The following CFAP46 variants were observed in gnomAD, a reference collection of about 807,000 sequenced individuals.
CFAP46 encodes the protein cilia and flagella associated protein 46, also known as cilia- and flagella-associated protein 46.
CFAP46 carries 245 observed loss-of-function variants against 325.7 expected under a neutral mutation model. That is an observed-to-expected ratio of 0.75 (90% CI 0.68 to 0.84). CFAP46 has a LOEUF of 0.84. CFAP46 is among the 40% of genes least tolerant of loss of function. The pLI is 0.00. For synonymous variants in CFAP46, 1,523 were observed against 1,495.9 expected (o/e 1.02, Z -0.42); for missense variants, 3,346 against 3,543.0 (o/e 0.94, Z 1.41).
At chr10:132,811,072 C>T in intron 55 of CFAP46, 41 bp from the exon 56 acceptor site, 1 of 1,525,314 alleles carries the variant, frequency 6.6e-7, no homozygotes, top group Non-Finnish European at 8.9e-7. Flanking sequence ...CTTGGCCTGA[C>T]ATGGGGAGTG....
chr10:132,934,771 G>A lies in CFAP46; in HGVS notation c.847C>T (p.Pro283Ser). Reference sequence around the variant, plus strand: ...ACTTACTTTTCTTCACTGATAGAGGGAAAGCGCTGGTGGTTGTAATGACCT... The same window carrying A: ...ACTTACTTTTCTTCACTGATAGAGGAAAAGCGCTGGTGGTTGTAATGACCT... ...HLGHYNHQRF[P>S]SISEEKMLLL... is the part of the protein sequence containing the mutation. The change falls in exon 8 of 58, where the codon CCC (proline) becomes TCC (serine). Residue 283 changes from proline to serine, a missense_variant. Pro to Ser is a moderately conservative substitution (Grantham distance 74). Transcript: ENST00000368586. 6.2e-7 allele frequency: 1 copy of A among 1,606,292 alleles called. No individual in the cohort carries two copies. The highest frequency in any genetic ancestry group is 1.1e-5 in the South Asian group (1 of 90,858).
chr10:132,812,949 C>T (rs3750586), intron 54 of CFAP46, 52 bp from the exon 55 acceptor site: 657,255 of 1,424,516 alleles, frequency 0.46, 154,141 homozygotes, highest in East Asian at 0.62. Context: ...CTGTACCAGA[C>T]CCCACCGTGC....
intron 27 of CFAP46, among the ~76,000 whole-genome samples, chr10:132,883,754 G>A (rs551365302): frequency 6.6e-6 from 1 of 152,198 alleles, no homozygotes; most frequent in African/African-American, 2.4e-5. Context: ...AACGGAATAC[G>A]ACTCAGTCCT....
intron 44 of CFAP46, among the ~76,000 whole-genome samples, chr10:132,837,801 A>G (rs913453143): frequency 6.6e-6 from 1 of 151,004 alleles, no homozygotes; most frequent in Admixed American, 6.6e-5. Flanking sequence ...GCATGGACAC[A>G]CATGCACACG....
chr10:132,909,938 C>T lies in CFAP46; in HGVS notation c.2630G>A (p.Arg877Gln), dbSNP rs529613099. The T allele has an allele frequency of 1.9e-5, 28 of 1,511,408 alleles. No individual in the cohort carries two copies. In the Middle Eastern group the frequency reaches 2.0e-3, roughly 107 times the overall value. 93.6% of individuals were successfully genotyped at this position (1,511,408 alleles called of 1,614,324 possible). A position where few individuals can be genotyped will look rare whatever the true frequency, so the allele number is the denominator to read the frequency against. The change falls in exon 20 of 58, where the codon CGG becomes CAG. Residue 877 changes from arginine to glutamine, a missense_variant. Arg to Gln is a conservative substitution (Grantham distance 43, BLOSUM62 1). Coordinates refer to ENST00000368586, the MANE Select transcript of CFAP46 (RefSeq NM_001200049.3). ...GCCCACCTGCTCCTCGGTGCCCAGC[C>T]GTGGCCCAATCTGCTGCTGCAGCAG... Reference protein sequence around the residue: ...KQLLQQQIGPRLGTEEQGTNE... With the variant: ...KQLLQQQIGPQLGTEEQGTNE...
At chr10:132,911,196 C>T (rs1422338631) in intron 19 of CFAP46, among the ~76,000 whole-genome samples, 1 of 152,196 alleles carries the variant, frequency 6.6e-6, no homozygotes, top group Admixed American at 6.5e-5. Context: ...TGTCCCTTCT[C>T]GGAAGAACGA....
chr10:132,941,102 C>A, intron 3 of CFAP46, 42 bp from the exon 4 acceptor site: 2 of 1,601,700 alleles, frequency 1.2e-6, no homozygotes, highest in Non-Finnish European at 1.7e-6. Flanking sequence ...GAAATACTGA[C>A]CCCTGCTCAC....
At chr10:132,865,890 G>T in intron 35 of CFAP46, 135 bp downstream of exon 35, 1 of 839,504 alleles carries the variant, frequency 1.2e-6, no homozygotes, top group South Asian at 4.3e-5. Context: ...GCAGAGAGCT[G>T]GACCCAGACA....
Position 132,812,852 on chromosome 10 carries a change from G to A in CFAP46, c.7434C>T (p.Phe2478=), listed in dbSNP as rs149928311. 106 of 1,611,456 alleles carry A rather than the reference G, an allele frequency of 6.6e-5. 3 individuals are homozygous for A. The African/African-American group carries it at 1.2e-3, about 18-fold the overall frequency. The change falls in exon 55 of 58, where the codon TTC becomes TTT. Residue 2478 remains phenylalanine (F), a synonymous_variant. Coordinates refer to ENST00000368586, the MANE Select transcript of CFAP46 (RefSeq NM_001200049.3). ...EQALGSCSGF[F]FYGMESFLSH... ...ACAGGAAGCTCTCCATTCCATAGAA[G>A]AAGAAACCGCTGCAGCTGCCCAGGG...
intron 47 of CFAP46, 85 bp downstream of exon 47, chr10:132,835,219 T>C (rs1591042896): frequency 6.5e-7 from 1 of 1,541,202 alleles, no homozygotes. Flanking sequence ...GCCCCGCCCC[T>C]CCCCCCACCT....
rs1847925982 is a variant in CFAP46 at position 132,823,188 on chromosome 10, GC to G, written c.7118-8275del. ...GATGTGTGCTGTCTGTGCGCTGTGT[GC>G]TGATGTGTGCTGTGTGTGTGCTGAT... On this transcript the variant is annotated intron_variant, in intron 50 of 57. Transcript: ENST00000368586. 5.2e-5 allele frequency among the ~76,000 whole-genome samples: 6 copies of G among 115,332 alleles called. No individual in the cohort carries two copies. The South Asian group carries it at 1.3e-3, about 25-fold the overall frequency. 75.7% of individuals were successfully genotyped at this position (115,332 alleles called of 152,430 possible). A position where few individuals can be genotyped will look rare whatever the true frequency, so the allele number is the denominator to read the frequency against.
intron 4 of CFAP46, among the ~76,000 whole-genome samples, chr10:132,940,706 C>T (rs1850084385): frequency 6.6e-6 from 1 of 152,182 alleles, no homozygotes; most frequent in Non-Finnish European, 1.5e-5. Flanking sequence ...GCCTCCCCAG[C>T]AGTTGGGATT....
chr10:132,917,466 T>C (rs553129397), intron 16 of CFAP46, among the ~76,000 whole-genome samples: 1 of 152,366 alleles, frequency 6.6e-6, no homozygotes, highest in South Asian at 2.1e-4. Context: ...CGGGAGTCTC[T>C]GAGCCTGCGT....
At position 132,892,437 on chromosome 10, in the gene CFAP46, C is replaced by A. The variant is rs930568855; in HGVS notation, c.3220-20G>T. On this transcript the variant is annotated intron_variant, in intron 24 of 57. Transcript: ENST00000368586. ...TTTCTCCTAAAGTAACGCAAGTAAA[C>A]GACACGTATATTTGAAAGTTGCAAG... 3.9e-6 allele frequency: 6 copies of A among 1,549,242 alleles called. No homozygotes were observed. The highest frequency in any genetic ancestry group is 5.2e-6 in the Non-Finnish European group (6 of 1,145,966).
In CFAP46 at chr10:132,884,790, G is replaced by A. The variant is rs1376777354; in HGVS notation, c.3627+313C>T. The stretch of plus-strand genomic sequence containing the variant: ...GCCACCCGCCCATCGGGGCCCTGGT[G>A]CCACCAGGGGAGCCTGGGCGCTTCC... On this transcript the variant is annotated intron_variant, in intron 27 of 57. Transcript: ENST00000368586. This position sits in a 1 kb window ranked among gnomAD's most constrained non-coding sequence, Gnocchi z 5.4. Among the ~76,000 whole-genome samples the A allele has an allele frequency of 1.3e-5, 2 of 152,024 alleles. No homozygotes were observed. Among genetic ancestry groups the A allele is most frequent in the African/African-American group, 4.8e-5 (2 of 41,412 alleles).
chr10:132,824,692 GTGTGCGCTGA>G (rs1215078183), intron 50 of CFAP46, among the ~76,000 whole-genome samples: 1 of 82,288 alleles, frequency 1.2e-5, no homozygotes, highest in Non-Finnish European at 2.2e-5. Context: ...TGTGTGCTGT[GTGTGCGCTGA>G]TGTGTGCTGT....
chr10:132,835,555 T>C, intron 46 of CFAP46, 121 bp from the exon 47 acceptor site: 1 of 1,278,742 alleles, frequency 7.8e-7, no homozygotes, highest in South Asian at 1.4e-5. Flanking sequence ...TGGATGGAAG[T>C]CCCTTCCTTC....
At position 132,827,059 on chromosome 10, in the gene CFAP46, C is replaced by G. The variant is rs1049025774; in HGVS notation, c.7117+6299G>C. On this transcript the variant is annotated intron_variant, in intron 50 of 57. Transcript: ENST00000368586. The surrounding 1 kb of genome is among the most constrained non-coding windows in gnomAD (Gnocchi z 5.7). The stretch of plus-strand genomic sequence containing the variant: ...CGGTTTCCGACACCTCCATGAGCCT[C>G]GTGTCTGTGCCAACCGACTCCAGCT... 1.3e-5 allele frequency among the ~76,000 whole-genome samples: 2 copies of G among 152,162 alleles called. No individual in the cohort carries two copies. Among genetic ancestry groups the G allele is most frequent in the Non-Finnish European group, 2.9e-5 (2 of 68,038 alleles).
chr10:132,842,516 A>G (rs1484897153), intron 44 of CFAP46, among the ~76,000 whole-genome samples: 1 of 152,178 alleles, frequency 6.6e-6, no homozygotes, highest in Non-Finnish European at 1.5e-5. Flanking sequence ...TGGGTTTTTA[A>G]AAGCCTTCTC....
Sources: allele counts gnomAD v4.1 joint callset (sites outside exome capture counted in the v4.1 genomes callset), GRCh38; gene constraint gnomAD v4.1.1; non-coding constraint Gnocchi (gnomAD v3.1); transcripts MANE v1.5; gene names NCBI Gene and HGNC (gene_info 2026-07-23, HGNC 2026-07-21).